RALYL: variants seen among roughly 807,000 people sequenced by gnomAD.
The protein encoded by RALYL is RALY RNA binding protein like.
Under a neutral mutation model 35.1 loss-of-function variants are expected in RALYL, and 29 were observed. The observed-to-expected ratio is 0.83, with a 90% CI of 0.61 to 1.13. The LOEUF is 1.13. Among genes scored for constraint, RALYL ranks in the 50% most tolerant of loss-of-function variants. RALYL has a pLI of 0.00. For synonymous variants in RALYL, 120 were observed against 127.6 expected, an observed-to-expected ratio of 0.94 and a Z score of 0.40; for missense variants, 359 against 360.4, an observed-to-expected ratio of 1.00 and a Z score of 0.03.
chr8:84,289,227 CCAGGTCCTT>C (rs1277886495), intron 1 of RALYL, among the ~76,000 whole-genome samples: 2 of 152,088 alleles, frequency 1.3e-5, no homozygotes, highest in Non-Finnish European at 2.9e-5. Context: ...GAGATGGCTG[CCAGGTCCTT>C]GAGAAAGAGA....
intron 1 of RALYL, among the ~76,000 whole-genome samples, chr8:84,398,833 G>A (rs1345842458): frequency 1.3e-5 from 2 of 152,048 alleles, no homozygotes; most frequent in African/African-American, 2.4e-5. Context: ...AATTAGCCAG[G>A]TGTGTTGGCA....
intron 2 of RALYL, among the ~76,000 whole-genome samples, chr8:84,684,128 G>A (rs1836254885): frequency 6.6e-6 from 1 of 152,144 alleles, no homozygotes; most frequent in Admixed American, 6.6e-5. Flanking sequence ...ACATGACTGA[G>A]CCCTGAAGGC....
intron 3 of RALYL, among the ~76,000 whole-genome samples, chr8:84,802,295 T>C (rs956343943): frequency 2.0e-5 from 3 of 152,218 alleles, no homozygotes; most frequent in African/African-American, 7.2e-5. Flanking sequence ...TAAAAACCAT[T>C]CTTAGCTTGG....
intron 2 of RALYL, among the ~76,000 whole-genome samples, chr8:84,739,576 C>A (rs1035142485): frequency 6.6e-6 from 1 of 150,904 alleles, no homozygotes; most frequent in Non-Finnish European, 1.5e-5. Flanking sequence ...ATATGTATTT[C>A]ATATATATAT....
At chr8:84,304,643 C>T (rs1299995512) in intron 1 of RALYL, among the ~76,000 whole-genome samples, 1 of 152,100 alleles carries the variant, frequency 6.6e-6, no homozygotes, top group Non-Finnish European at 1.5e-5. Flanking sequence ...GTTATACTTT[C>T]CTCACAATCA....
chr8:84,479,159 T>G (rs1253983437), intron 1 of RALYL, among the ~76,000 whole-genome samples: 2 of 144,986 alleles, frequency 1.4e-5, no homozygotes, highest in African/African-American at 5.0e-5. Context: ...TTTAGGATTC[T>G]CCTTTAATCT....
chr8:84,607,843 A>C (rs1161729539), intron 2 of RALYL, among the ~76,000 whole-genome samples: 1 of 152,110 alleles, frequency 6.6e-6, no homozygotes, highest in Non-Finnish European at 1.5e-5. Context: ...TTTGAGGATC[A>C]ATATGTTGAT....
At chr8:84,376,663 A>G (rs1346929206) in intron 1 of RALYL, among the ~76,000 whole-genome samples, 3 of 151,894 alleles carry the variant, frequency 2.0e-5, no homozygotes, top group African/African-American at 7.2e-5. Context: ...AGAGTAGTCA[A>G]ATCAGAGGAG....
At chr8:84,643,350 T>C (rs565304199) in intron 2 of RALYL, among the ~76,000 whole-genome samples, 2 of 152,112 alleles carry the variant, frequency 1.3e-5, no homozygotes, top group South Asian at 4.1e-4. Context: ...CAGAGGATAG[T>C]TGAGTGCATT....
intron 2 of RALYL, among the ~76,000 whole-genome samples, chr8:84,664,545 C>T (rs571472364): frequency 6.6e-6 from 1 of 152,124 alleles, no homozygotes; most frequent in East Asian, 1.9e-4. Flanking sequence ...TATTTCACTT[C>T]CCTGCTTAGC....
At chr8:84,245,564 A>G (rs949393136) in intron 1 of RALYL, among the ~76,000 whole-genome samples, 21 of 152,322 alleles carry the variant, frequency 1.4e-4, no homozygotes, top group Admixed American at 1.3e-3. Context: ...AAATCTTTAC[A>G]TACTCTATTG....
intron 2 of RALYL, among the ~76,000 whole-genome samples, chr8:84,730,805 A>G (rs935755793): frequency 3.3e-5 from 5 of 152,280 alleles, no homozygotes; most frequent in African/African-American, 4.8e-5. Flanking sequence ...ACTAGAAGCA[A>G]TGACACCGTT....
At chr8:84,737,440 A>G (rs889948079) in intron 2 of RALYL, among the ~76,000 whole-genome samples, 2 of 151,964 alleles carry the variant, frequency 1.3e-5, no homozygotes, top group African/African-American at 4.8e-5. Flanking sequence ...TCCTGACCTA[A>G]TAATCTATAT....
At chr8:84,256,873 C>T (rs1039177134) in intron 1 of RALYL, among the ~76,000 whole-genome samples, 3 of 151,898 alleles carry the variant, frequency 2.0e-5, no homozygotes, top group Non-Finnish European at 2.9e-5. Context: ...GGCTTCTGTC[C>T]CCTGATCCAT....
intron 7 of RALYL, among the ~76,000 whole-genome samples, chr8:84,875,308 A>G (rs920477434): frequency 1.3e-5 from 2 of 152,192 alleles, no homozygotes; most frequent in Non-Finnish European, 2.9e-5. Context: ...TCATTTAAAT[A>G]TGGAGAACTC....
At chr8:84,626,628 T>G (rs938762057) in intron 2 of RALYL, among the ~76,000 whole-genome samples, 3 of 152,156 alleles carry the variant, frequency 2.0e-5, no homozygotes, top group Non-Finnish European at 4.4e-5. Context: ...TGAAAAACAT[T>G]AATTAATCCA....
chr8:84,566,582 G>A (rs2135695867), intron 2 of RALYL, among the ~76,000 whole-genome samples: 1 of 151,618 alleles, frequency 6.6e-6, no homozygotes, highest in East Asian at 1.9e-4. Flanking sequence ...CTGGATGTCT[G>A]TTCAGAAATC....
At chr8:84,495,614 G>A (rs2134119607) in intron 1 of RALYL, among the ~76,000 whole-genome samples, 1 of 152,050 alleles carries the variant, frequency 6.6e-6, no homozygotes, top group Middle Eastern at 3.4e-3. Context: ...ATTCATACAA[G>A]GTATGTGATA....
At chr8:84,670,769 A>G (rs567971701) in intron 2 of RALYL, among the ~76,000 whole-genome samples, 16 of 152,282 alleles carry the variant, frequency 1.1e-4, no homozygotes, top group South Asian at 4.1e-4. Context: ...CTGAAGACAC[A>G]TTAGGGATTA....
Sources: allele counts gnomAD v4.1 joint callset (sites outside exome capture counted in the v4.1 genomes callset), GRCh38; gene constraint gnomAD v4.1.1; transcripts MANE v1.5; gene names NCBI Gene and HGNC (gene_info 2026-07-23, HGNC 2026-07-21).